IZUMO1R: variants seen among roughly 807,000 people sequenced by gnomAD.
IZUMO1R encodes IZUMO1 receptor, JUNO.
IZUMO1R carries 24 observed loss-of-function variants against 22.1 expected under a neutral mutation model. That is an observed-to-expected ratio of 1.09 (90% CI 0.79 to 1.53). The LOEUF (loss-of-function observed/expected upper bound fraction) is 1.53, where lower values mean the gene tolerates loss of function less well. Ranked by LOEUF, IZUMO1R falls within the 40% of genes most tolerant of loss-of-function variation. The pLI is 0.00. For missense variants in IZUMO1R, 308 were observed against 314.9 expected, an observed-to-expected ratio of 0.98 and a Z score of 0.17; for synonymous variants, 133 against 121.2, an observed-to-expected ratio of 1.10 and a Z score of -0.64.
At chr11:94,306,369 C>T in intron 2 of IZUMO1R, 144 bp from the exon 3 acceptor site, 2 of 735,548 alleles carry the variant, frequency 2.7e-6, no homozygotes, top group Non-Finnish European at 4.7e-6. Flanking sequence ...CAGGGTTCCT[C>T]TTATGTAGGG....
At chr11:94,306,879 G>A (rs1944026959) in intron 3 of IZUMO1R, among the ~76,000 whole-genome samples, 157 bp downstream of exon 3, 1 of 152,170 alleles carries the variant, frequency 6.6e-6, no homozygotes, top group African/African-American at 2.4e-5. Flanking sequence ...AGAATCACAT[G>A]GGGGAGACTG....
In IZUMO1R at chr11:94,307,196, T is replaced by C. The variant is rs1944030178; in HGVS notation, c.380T>C (p.Val127Ala). 6.2e-7 allele frequency: 1 copy of C among 1,602,436 alleles called. No homozygotes were observed. Among genetic ancestry groups the C allele is most frequent in the Non-Finnish European group, 8.5e-7 (1 of 1,174,474 alleles). ...CCGAGTGGGCAGGGAGAGCGAGTTG[T>C]GAATGTGCCGCTGTGCCAGGAGGAC... ...VAPSGQGERV[V>A]NVPLCQEDCE... Residue 127 changes from valine (V) to alanine (A), a missense_variant, in exon 4 of 5, where the codon GTG (valine) becomes GCG (alanine). Physicochemically the swap from Val to Ala is moderately conservative, Grantham distance 64. Coordinates refer to ENST00000687084, the MANE Select transcript of IZUMO1R (RefSeq NM_001199206.4).
At position 94,307,537 on chromosome 11, in the gene IZUMO1R, C is replaced by A. The variant is rs753916969; in HGVS notation, c.598C>A (p.Arg200=). 28 of 1,613,522 alleles carry A rather than the reference C, an allele frequency of 1.7e-5. 1 individual carries two copies. In the Middle Eastern group the frequency reaches 3.9e-3, roughly 227 times the overall value. The change falls in exon 5 of 5, where the codon CGA becomes AGA. Residue 200 remains arginine, a synonymous_variant. Transcript: ENST00000687084. ...CAATTCCTTCAAAGCCAGCCCTGAG[C>A]GACGGAACAGTGGGCGGTGTCTCCA... The part of the protein sequence containing the change: ...WSNSFKASPE[R]RNSGRCLQKW...
At position 94,304,887 on chromosome 11, in the gene IZUMO1R, T is replaced by C. The variant is rs946360038; in HGVS notation, c.-7+8T>C. Among the ~76,000 whole-genome samples the C allele has an allele frequency of 6.6e-6, 1 of 152,130 alleles. No homozygotes were observed. Among genetic ancestry groups the C allele is most frequent in the Admixed American group, 6.5e-5 (1 of 15,280 alleles). On this transcript the variant is annotated splice_region_variant and intron_variant, in intron 1 of 4. Transcript: ENST00000687084. Reference sequence around the variant, plus strand: ...AAGGCTCCTGCCTTGAAAGTGAGTATGAAGAGAGTGCTGGAAGGGGCAGCA... The same window carrying C: ...AAGGCTCCTGCCTTGAAAGTGAGTACGAAGAGAGTGCTGGAAGGGGCAGCA...
In IZUMO1R at chr11:94,308,141, A is replaced by G. The variant is rs967388433; in HGVS notation, c.*449A>G. On this transcript the variant is annotated 3_prime_UTR_variant, in exon 5 of 5. Transcript: ENST00000687084. ...GGTGTCTTCAATAAATCGGCACTCA[A>G]CCTCTCCTCTGCTTGACTTCCTGTG... 6.6e-6 allele frequency among the ~76,000 whole-genome samples: 1 copy of G among 151,246 alleles called. No individual in the cohort carries two copies. The highest frequency in any genetic ancestry group is 1.5e-5 in the Non-Finnish European group (1 of 67,860).
Position 94,306,567 on chromosome 11 carries a change from C to T in IZUMO1R, c.193C>T (p.His65Tyr), listed in dbSNP as rs1483118986. The stretch of plus-strand genomic sequence containing the variant: ...CACCCTCACGACAAGCTGGGAAGCC[C>T]ATCTGGATGTATCCCCACTCTACAA... The part of the protein sequence containing the change: ...CCTLTTSWEA[H>Y]LDVSPLYNFS... Residue 65 changes from histidine (H) to tyrosine (Y), a missense_variant, in exon 3 of 5, where the codon CAT (histidine) becomes TAT (tyrosine). Physicochemically the swap from His to Tyr is moderately conservative, Grantham distance 83 (BLOSUM62 2). Coordinates refer to ENST00000687084, the MANE Select transcript of IZUMO1R (RefSeq NM_001199206.4). The T allele has an allele frequency of 6.2e-7, 1 of 1,613,842 alleles. No homozygotes were observed. The highest frequency in any genetic ancestry group is 8.5e-7 in the Non-Finnish European group (1 of 1,179,884).
intron 1 of IZUMO1R, among the ~76,000 whole-genome samples, 141 bp downstream of exon 1, chr11:94,305,020 A>C (rs1944000695): frequency 6.6e-6 from 1 of 152,168 alleles, no homozygotes; most frequent in African/African-American, 2.4e-5. Flanking sequence ...TTTGGACTTG[A>C]GGTTGGGCTC....
chr11:94,306,613 G>T lies in IZUMO1R; in HGVS notation c.239G>T (p.Gly80Val). 2 of 1,613,956 alleles carry T rather than the reference G, an allele frequency of 1.2e-6. No individual in the cohort carries two copies. The highest frequency in any genetic ancestry group is 1.7e-6 in the Non-Finnish European group (2 of 1,179,868). The change falls in exon 3 of 5, where the codon GGA becomes GTA. Residue 80 changes from glycine (G) to valine (V), a missense_variant. Physicochemically the swap from Gly to Val is moderately radical, Grantham distance 109. Coordinates refer to ENST00000687084, the MANE Select transcript of IZUMO1R (RefSeq NM_001199206.4). ...PLYNFSLFHC[G>V]LLMPGCRKHF... Reference sequence around the variant, plus strand: ...TACAACTTCAGCCTGTTTCACTGTGGACTGCTGATGCCTGGCTGTCGGAAG... The same window carrying T: ...TACAACTTCAGCCTGTTTCACTGTGTACTGCTGATGCCTGGCTGTCGGAAG...
In IZUMO1R at chr11:94,307,730, C is replaced by G. The variant is rs1156780088; in HGVS notation, c.*38C>G. ...TCCCACTCACATTCCTGCATGTCCA[C>G]CAACTGTGGGTCAGGCCAGGCCATG... On this transcript the variant is annotated 3_prime_UTR_variant, in exon 5 of 5. Coordinates refer to ENST00000687084, the MANE Select transcript of IZUMO1R (RefSeq NM_001199206.4). 1 of 1,604,516 alleles carries G rather than the reference C, an allele frequency of 6.2e-7. No individual in the cohort carries two copies. Among genetic ancestry groups the G allele is most frequent in the Non-Finnish European group, 8.5e-7 (1 of 1,173,516 alleles).
chr11:94,305,589 G>A, intron 1 of IZUMO1R, 42 bp from the exon 2 acceptor site: 5 of 1,605,146 alleles, frequency 3.1e-6, no homozygotes, highest in Non-Finnish European at 2.6e-6. Context: ...GGTGGAGTGG[G>A]GTGTCATTTC....
intron 3 of IZUMO1R, 79 bp downstream of exon 3, chr11:94,306,801 A>T (rs937982217): frequency 7.2e-7 from 1 of 1,392,490 alleles, no homozygotes; most frequent in African/African-American, 1.4e-5. Context: ...TGATGCCGCC[A>T]GGATGCTAGT....
rs1385388366 is a variant in IZUMO1R at position 94,304,868 on chromosome 11, C to G, written c.-18C>G. Among the ~76,000 whole-genome samples, 3 of 152,146 alleles carry G rather than the reference C, an allele frequency of 2.0e-5. No homozygotes were observed. The highest frequency in any genetic ancestry group is 4.4e-5 in the Non-Finnish European group (3 of 68,014). The stretch of plus-strand genomic sequence containing the variant: ...GAGGGAGCAGGAGCACCTGAAGGCT[C>G]CTGCCTTGAAAGTGAGTATGAAGAG... On this transcript the variant is annotated 5_prime_UTR_variant, in exon 1 of 5. Transcript: ENST00000687084.
Position 94,307,215 on chromosome 11 carries a change from G to C in IZUMO1R, c.399G>C (p.Gln133His). 1.2e-6 allele frequency: 2 copies of C among 1,606,194 alleles called. No individual in the cohort carries two copies. Among genetic ancestry groups the C allele is most frequent in the Non-Finnish European group, 1.7e-6 (2 of 1,176,420 alleles). Residue 133 changes from glutamine to histidine, a missense_variant, in exon 4 of 5, where the codon CAG (glutamine) becomes CAC (histidine). By Grantham distance (24) the Gln-to-His change is conservative (BLOSUM62 0). Coordinates refer to ENST00000687084, the MANE Select transcript of IZUMO1R (RefSeq NM_001199206.4). ...GAGTTGTGAATGTGCCGCTGTGCCA[G>C]GAGGACTGTGAGGAGTGGTGGGAAG... ...GERVVNVPLCQEDCEEWWEDC... is the reference protein window; with the variant it reads ...GERVVNVPLCHEDCEEWWEDC...
chr11:94,305,483 C>T, intron 1 of IZUMO1R, 148 bp from the exon 2 acceptor site: 1 of 888,578 alleles, frequency 1.1e-6, no homozygotes, highest in Non-Finnish European at 1.8e-6. Flanking sequence ...GTGATGCTGC[C>T]TCCAAAAGAA....
chr11:94,306,902 T>A (rs1285664647), intron 3 of IZUMO1R, among the ~76,000 whole-genome samples, 180 bp downstream of exon 3: 2 of 151,960 alleles, frequency 1.3e-5, no homozygotes, highest in Admixed American at 1.3e-4. Flanking sequence ...CTGACAACAG[T>A]GGGATGAGGG....
At chr11:94,305,852 A>G in intron 2 of IZUMO1R, 78 bp downstream of exon 2, 1 of 1,486,338 alleles carries the variant, frequency 6.7e-7, no homozygotes, top group Non-Finnish European at 9.2e-7. Context: ...TCCGAACCTC[A>G]TCAACCCTGA....
At position 94,307,734 on chromosome 11, in the gene IZUMO1R, C is replaced by A; in HGVS notation, c.*42C>A. On this transcript the variant is annotated 3_prime_UTR_variant, in exon 5 of 5. Coordinates refer to ENST00000687084, the MANE Select transcript of IZUMO1R (RefSeq NM_001199206.4). ...ACTCACATTCCTGCATGTCCACCAA[C>A]TGTGGGTCAGGCCAGGCCATGGCCT... 1 of 1,600,346 alleles carries A rather than the reference C, an allele frequency of 6.2e-7. No homozygotes were observed. The highest frequency in any genetic ancestry group is 8.5e-7 in the Non-Finnish European group (1 of 1,170,996).
intron 2 of IZUMO1R, 97 bp downstream of exon 2, chr11:94,305,871 T>C: frequency 7.1e-7 from 1 of 1,416,696 alleles, no homozygotes. Context: ...GATCATTTGG[T>C]TCCTGGGGTT....
rs370034308 is a variant in IZUMO1R at position 94,307,658 on chromosome 11, T to C, written c.719T>C (p.Met240Thr). ...APSWELSYTI[M>T]VCSLFLPFLS Reference sequence around the variant, plus strand: ...TCCTGGGAACTGTCCTACACCATCATGGTCTGCTCCCTGTTCCTGCCGTTC... The same window carrying C: ...TCCTGGGAACTGTCCTACACCATCACGGTCTGCTCCCTGTTCCTGCCGTTC... The change falls in exon 5 of 5, where the codon ATG becomes ACG. Residue 240 changes from methionine (M) to threonine (T), a missense_variant. Transcript: ENST00000687084. 7 of 1,613,624 alleles carry C rather than the reference T, an allele frequency of 4.3e-6. No homozygotes were observed. The highest frequency in any genetic ancestry group is 5.9e-6 in the Non-Finnish European group (7 of 1,179,734).
Sources: gnomAD v4.1 joint callset for allele counts (sites outside exome capture counted in the v4.1 genomes callset) on GRCh38, gnomAD v4.1.1 for gene constraint, MANE v1.5 for transcripts, NCBI Gene and HGNC (gene_info 2026-07-23, HGNC 2026-07-21) for gene names.